Variants in NELL1 observed in about 807,000 individuals in gnomAD.
NELL1 encodes neural EGFL like 1.
NELL1 carries 76 observed loss-of-function variants against 107.4 expected under a neutral mutation model. The observed-to-expected ratio is 0.71, with a 90% CI of 0.59 to 0.86. NELL1 has a LOEUF of 0.86. Ranked by LOEUF, NELL1 falls within the 40% of genes least tolerant of loss-of-function variation. The pLI is 0.00. For missense variants in NELL1, 1,024 were observed against 1,005.5 expected (o/e 1.02, Z -0.25); for synonymous variants, 353 against 341.2 (o/e 1.03, Z -0.38).
intron 13 of NELL1, among the ~76,000 whole-genome samples, chr11:21,184,247 AATTGTTTGTTT>A (rs1856886546): frequency 1.3e-5 from 2 of 151,506 alleles, no homozygotes; most frequent in South Asian, 4.2e-4. Context: ...TTGGCATGCA[AATTGTTTGTTT>A]ATTGTTTGTT....
intron 5 of NELL1, among the ~76,000 whole-genome samples, chr11:20,897,606 A>G (rs1267475872): frequency 6.6e-6 from 1 of 152,166 alleles, no homozygotes; most frequent in Non-Finnish European, 1.5e-5. Flanking sequence ...ACAGCAAAAG[A>G]AACTACCATC....
At chr11:21,519,290 A>G (rs1855653755) in intron 15 of NELL1, among the ~76,000 whole-genome samples, 1 of 152,208 alleles carries the variant, frequency 6.6e-6, no homozygotes, top group Non-Finnish European at 1.5e-5. Flanking sequence ...TGGTTCTCAA[A>G]GTAGAGTTCT....
intron 12 of NELL1, among the ~76,000 whole-genome samples, chr11:21,082,194 T>C (rs1854285450): frequency 6.6e-6 from 1 of 152,154 alleles, no homozygotes; most frequent in South Asian, 2.1e-4. Context: ...GACATGCTTG[T>C]TGGGGCTGCA....
intron 15 of NELL1, among the ~76,000 whole-genome samples, chr11:21,492,049 G>A (rs7108110): frequency 0.85 from 129,547 of 152,116 alleles, 55,295 homozygotes; most frequent in East Asian, 0.97. Context: ...AATTTACAAG[G>A]AAAAAACAAA....
At chr11:21,341,297 G>A (rs1850559308) in intron 14 of NELL1, among the ~76,000 whole-genome samples, 1 of 152,170 alleles carries the variant, frequency 6.6e-6, no homozygotes, top group African/African-American at 2.4e-5. Flanking sequence ...TAAGCCTCCA[G>A]AACTACAAAA....
chr11:21,103,173 G>T (rs1854863443), intron 12 of NELL1, among the ~76,000 whole-genome samples: 1 of 152,150 alleles, frequency 6.6e-6, no homozygotes, highest in African/African-American at 2.4e-5. Flanking sequence ...GTTTGTTTGT[G>T]TAATTCAGTC....
At chr11:21,231,658 C>T (rs1446006118) in intron 14 of NELL1, among the ~76,000 whole-genome samples, 2 of 152,064 alleles carry the variant, frequency 1.3e-5, no homozygotes, top group Admixed American at 1.3e-4. Context: ...CCTCTCTTGC[C>T]ATTGTGATAA....
intron 12 of NELL1, among the ~76,000 whole-genome samples, chr11:21,007,787 C>T (rs1269775044): frequency 1.3e-5 from 2 of 151,984 alleles, no homozygotes; most frequent in African/African-American, 4.8e-5. Context: ...TTTAGATGCC[C>T]ACTTACAAAA....
chr11:21,253,564 A>G (rs1030618987), intron 14 of NELL1, among the ~76,000 whole-genome samples: 4 of 152,156 alleles, frequency 2.6e-5, no homozygotes, highest in Admixed American at 2.6e-4. Flanking sequence ...CTGAATATGG[A>G]ATATATTCTT....
At chr11:20,949,232 G>T (rs1176106316) in intron 11 of NELL1, among the ~76,000 whole-genome samples, 1 of 152,192 alleles carries the variant, frequency 6.6e-6, no homozygotes, top group Non-Finnish European at 1.5e-5. Context: ...CATGTTTTCA[G>T]CTTAGGCTTT....
intron 12 of NELL1, among the ~76,000 whole-genome samples, chr11:21,023,470 G>A (rs1028773340): frequency 6.6e-6 from 1 of 151,970 alleles, no homozygotes; most frequent in African/African-American, 2.4e-5. Context: ...GCGGCAATAT[G>A]ACTTTCATTT....
At position 20,782,953 on chromosome 11, in the gene NELL1, G is replaced by GAAT. The variant is rs1590289359; in HGVS notation, c.185-726_185-724dup. Among the ~76,000 whole-genome samples, 3 of 152,276 alleles carry GAAT rather than the reference G, an allele frequency of 2.0e-5. No homozygotes were observed. The East Asian group carries it at 5.8e-4, about 29-fold the overall frequency. ...TCTTGTCTAGGAGCAGGATTAGCTG[G>GAAT]AATCACACACCTCTAGGCCTGCTGA... On this transcript the variant is annotated intron_variant, in intron 2 of 19. Coordinates refer to ENST00000357134, the MANE Select transcript of NELL1 (RefSeq NM_006157.5).
intron 2 of NELL1, chr11:20,769,365 G>A (rs1341531886): frequency 6.6e-6 from 1 of 152,338 alleles, no homozygotes; most frequent in Non-Finnish European, 1.5e-5. Flanking sequence ...AAAGGAGGCA[G>A]AGCACGACTG....
chr11:21,100,652 A>G (rs918557113), intron 12 of NELL1, among the ~76,000 whole-genome samples: 8 of 152,214 alleles, frequency 5.3e-5, no homozygotes, highest in African/African-American at 1.9e-4. Context: ...TTGTACACCA[A>G]TGTTGCAGCA....
intron 15 of NELL1, among the ~76,000 whole-genome samples, chr11:21,420,879 T>C (rs1852648333): frequency 6.6e-6 from 1 of 152,034 alleles, no homozygotes; most frequent in African/African-American, 2.4e-5. Flanking sequence ...ATTGGAAAAT[T>C]CCTCCCTGAG....
intron 3 of NELL1, among the ~76,000 whole-genome samples, chr11:20,794,137 C>G (rs747234530): frequency 2.9e-4 from 44 of 152,242 alleles, no homozygotes; most frequent in Non-Finnish European, 5.4e-4. Context: ...GTTTAAGGGT[C>G]AGGCTGAAAA....
intron 15 of NELL1, among the ~76,000 whole-genome samples, chr11:21,455,035 G>C (rs73461291): frequency 0.025 from 3,858 of 152,250 alleles, 175 homozygotes; most frequent in African/African-American, 0.086. Flanking sequence ...TTTATTCTGT[G>C]TGAAGAACTT....
chr11:20,847,300 A>G, intron 3 of NELL1, among the ~76,000 whole-genome samples: 1 of 152,156 alleles, frequency 6.6e-6, no homozygotes, highest in Admixed American at 6.5e-5. Context: ...ACTTTGAAGT[A>G]TTTAAGAAAC....
At chr11:21,108,506 C>T (rs534871791) in intron 12 of NELL1, among the ~76,000 whole-genome samples, 6 of 152,008 alleles carry the variant, frequency 3.9e-5, no homozygotes, top group South Asian at 2.1e-4. Context: ...ATTTCAAAAG[C>T]GACAAGCAAT....
Sources: allele counts gnomAD v4.1 joint callset (sites outside exome capture counted in the v4.1 genomes callset), GRCh38; gene constraint gnomAD v4.1.1; transcripts MANE v1.5; gene names NCBI Gene and HGNC (gene_info 2026-07-23, HGNC 2026-07-21).